The following MDGA2 variants were observed in gnomAD, a reference collection of about 807,000 sequenced individuals.
MDGA2 encodes the protein MAM domain containing glycosylphosphatidylinositol anchor 2, also known as MAM domain-containing glycosylphosphatidylinositol anchor protein 2.
In MDGA2, 40 loss-of-function variants were observed where a neutral mutation model predicts 117.8. That is an observed-to-expected ratio of 0.34 (90% CI 0.26 to 0.44). The LOEUF (loss-of-function observed/expected upper bound fraction) is 0.44, where lower values mean the gene tolerates loss of function less well. MDGA2 is among the 20% of genes least tolerant of loss of function. MDGA2 has a pLI of 1.00. For synonymous variants in MDGA2, 452 were observed against 439.0 expected (o/e 1.03, Z -0.37); for missense variants, 1,123 against 1,250.6 (o/e 0.90, Z 1.54).
chr14:47,157,623 G>C (rs61995371), intron 3 of MDGA2, among the ~76,000 whole-genome samples: 16,581 of 150,200 alleles, frequency 0.11, 1,008 homozygotes, highest in Middle Eastern at 0.19. Flanking sequence ...GTGTGTGTGT[G>C]TGTGTGTGTG....
chr14:46,935,632 T>C (rs1235066145), intron 9 of MDGA2, among the ~76,000 whole-genome samples: 1 of 152,174 alleles, frequency 6.6e-6, no homozygotes, highest in Non-Finnish European at 1.5e-5. Flanking sequence ...ACAAAGCCAC[T>C]TAACATTAGG....
chr14:46,963,936 C>T (rs1004505398), intron 8 of MDGA2, among the ~76,000 whole-genome samples: 11 of 152,090 alleles, frequency 7.2e-5, no homozygotes, highest in African/African-American at 2.7e-4. Context: ...CAAAATTCCT[C>T]CCATCAAGAC....
At chr14:47,192,387 G>A (rs150520042) in intron 3 of MDGA2, among the ~76,000 whole-genome samples, 76 of 152,206 alleles carry the variant, frequency 5.0e-4, no homozygotes, top group African/African-American at 1.8e-3. Context: ...GGCCGAGGTG[G>A]GTGGATCGCT....
At chr14:47,082,909 GA>G (rs145277815) in intron 6 of MDGA2, among the ~76,000 whole-genome samples, 93 of 151,564 alleles carry the variant, frequency 6.1e-4, no homozygotes, top group Middle Eastern at 3.4e-3. Flanking sequence ...AGTTTACAAT[GA>G]AAAAAAATTA....
intron 9 of MDGA2, among the ~76,000 whole-genome samples, chr14:46,944,008 T>C (rs1885084839): frequency 2.6e-5 from 4 of 152,046 alleles, no homozygotes; most frequent in Non-Finnish European, 4.4e-5. Flanking sequence ...ATTAGGGAAA[T>C]TGAAAGATAA....
intron 1 of MDGA2, among the ~76,000 whole-genome samples, chr14:47,580,775 A>C (rs1391489820): frequency 2.6e-5 from 4 of 151,736 alleles, no homozygotes. Context: ...TGGTTTTCTT[A>C]CTCTATGGTT....
At chr14:47,668,900 C>A (rs1307732664) in intron 1 of MDGA2, among the ~76,000 whole-genome samples, 2 of 152,156 alleles carry the variant, frequency 1.3e-5, no homozygotes, top group Non-Finnish European at 2.9e-5. Flanking sequence ...TTTGCTGTTG[C>A]CTTTATAGAT....
chr14:47,375,089 A>AT (rs982250395), intron 1 of MDGA2, among the ~76,000 whole-genome samples: 8 of 151,036 alleles, frequency 5.3e-5, no homozygotes, highest in Non-Finnish European at 1.0e-4. Flanking sequence ...GTTTTTTTTA[A>AT]TTTTTTTAAA....
chr14:46,901,092 T>C (rs1566515484), intron 10 of MDGA2, among the ~76,000 whole-genome samples: 1 of 147,018 alleles, frequency 6.8e-6, no homozygotes, highest in Non-Finnish European at 1.5e-5. Context: ...GAGAAAAAGA[T>C]ACACAAATGA....
intron 2 of MDGA2, among the ~76,000 whole-genome samples, chr14:47,298,672 A>G (rs1023479157): frequency 7.1e-6 from 1 of 140,086 alleles, no homozygotes; most frequent in East Asian, 2.0e-4. Context: ...GAAGAGGCCC[A>G]CTTAATTTTT....
At chr14:47,670,937 T>A (rs1170624190) in intron 1 of MDGA2, among the ~76,000 whole-genome samples, 1 of 152,114 alleles carries the variant, frequency 6.6e-6, no homozygotes, top group African/African-American at 2.4e-5. Flanking sequence ...GTCAAATGGG[T>A]AGTATCCATT....
At chr14:47,336,057 T>A (rs1594803413) in intron 1 of MDGA2, among the ~76,000 whole-genome samples, 1 of 151,774 alleles carries the variant, frequency 6.6e-6, no homozygotes, top group East Asian at 2.0e-4. Context: ...CTAGAAAGAA[T>A]TCGATAAAGA....
chr14:47,497,118 C>T (rs1473695911), intron 1 of MDGA2, among the ~76,000 whole-genome samples: 1 of 152,080 alleles, frequency 6.6e-6, no homozygotes, highest in Non-Finnish European at 1.5e-5. Context: ...AGTCTGTGAC[C>T]CTGCGGGTTG....
At chr14:47,605,502 A>G (rs1005661814) in intron 1 of MDGA2, among the ~76,000 whole-genome samples, 3 of 152,184 alleles carry the variant, frequency 2.0e-5, no homozygotes, top group African/African-American at 7.2e-5. Flanking sequence ...ACATTTTTCT[A>G]TAAACATTAC....
chr14:46,997,552 C>G (rs992549838), intron 8 of MDGA2, among the ~76,000 whole-genome samples: 2 of 152,092 alleles, frequency 1.3e-5, no homozygotes, highest in African/African-American at 4.8e-5. Context: ...AGTACTAAGG[C>G]CCGTGGTTAA....
chr14:47,078,395 G>A (rs866614023), intron 6 of MDGA2, among the ~76,000 whole-genome samples: 20 of 152,188 alleles, frequency 1.3e-4, no homozygotes, highest in Middle Eastern at 6.8e-3. Flanking sequence ...AGACAGTTAA[G>A]TACAGAACCA....
chr14:46,880,138 C>T (rs1210928689), intron 11 of MDGA2, among the ~76,000 whole-genome samples: 1 of 151,504 alleles, frequency 6.6e-6, no homozygotes, highest in East Asian at 2.0e-4. Flanking sequence ...GACCAGGCTG[C>T]CCATGGAGAA....
At chr14:46,949,219 G>A (rs1439387397) in intron 9 of MDGA2, among the ~76,000 whole-genome samples, 1 of 151,994 alleles carries the variant, frequency 6.6e-6, no homozygotes, top group African/African-American at 2.4e-5. Flanking sequence ...TCCATTCATG[G>A]GAGAACTTTC....
At chr14:47,109,382 C>T (rs547445627) in intron 5 of MDGA2, among the ~76,000 whole-genome samples, 112 of 152,284 alleles carry the variant, frequency 7.4e-4, no homozygotes, top group Non-Finnish European at 1.4e-3. Flanking sequence ...TCCAGACCAA[C>T]TGAGTTGCTT....
Sources: allele counts gnomAD v4.1 joint callset (sites outside exome capture counted in the v4.1 genomes callset), GRCh38; gene constraint gnomAD v4.1.1; transcripts MANE v1.5; gene names NCBI Gene and HGNC (gene_info 2026-07-23, HGNC 2026-07-21).